Variants in CDC42BPA observed in about 807,000 individuals in gnomAD.
CDC42BPA encodes serine/threonine-protein kinase MRCK alpha.
A neutral mutation model predicts 223.5 loss-of-function variants in CDC42BPA; 80 were observed. That is an observed-to-expected ratio of 0.36 (90% confidence interval 0.30 to 0.43). CDC42BPA has a LOEUF of 0.43. CDC42BPA is among the 20% of genes least tolerant of loss of function. The pLI, the probability that CDC42BPA is intolerant of heterozygous loss-of-function variation, is 1.00. For missense variants in CDC42BPA, 1,743 were observed against 2,099.9 expected, an observed-to-expected ratio of 0.83 and a Z score of 3.32; for synonymous variants, 694 against 718.6, an observed-to-expected ratio of 0.97 and a Z score of 0.55.
At chr1:227,106,512 AT>A (rs1685959927) in intron 14 of CDC42BPA, among the ~76,000 whole-genome samples, 1 of 152,010 alleles carries the variant, frequency 6.6e-6, no homozygotes, top group Non-Finnish European at 1.5e-5. Context: ...TTGGTCTGTA[AT>A]TTTGTGATTT....
intron 5 of CDC42BPA, among the ~76,000 whole-genome samples, chr1:227,166,443 G>A (rs995413125): frequency 1.1e-4 from 16 of 152,172 alleles, no homozygotes. Flanking sequence ...TAGCTGGCCT[G>A]AATATTTCAC....
At chr1:227,273,995 CAAAAAAA>C (rs10599884) in intron 1 of CDC42BPA, among the ~76,000 whole-genome samples, 60 of 57,000 alleles carry the variant, frequency 1.1e-3, no homozygotes, top group African/African-American at 2.5e-3. Context: ...TCGTATACAC[CAAAAAAA>C]AAAAAAAAAA....
rs71180715 is a variant in CDC42BPA, at chr1:227,205,283, AATATATAT to A, written c.355-5639_355-5632del. On this transcript the variant is annotated intron_variant, in intron 3 of 36. Coordinates refer to ENST00000366766, the MANE Select transcript of CDC42BPA (RefSeq NM_001394014.1). ...GACTCTGTCTCAAAAAAAAAAAAAAAATATATATATATATATATATATACACACACACA... is the reference window on the plus strand; with the variant it reads ...GACTCTGTCTCAAAAAAAAAAAAAAAATATATATATATATACACACACACA... 3.3e-4 allele frequency among the ~76,000 whole-genome samples: 40 copies of A among 122,756 alleles called. No homozygotes were observed. The East Asian group carries it at 4.1e-3, about 12-fold the overall frequency. The allele number at this position is 122,756 out of a possible 152,430, so 80.5% of individuals were successfully genotyped here.
chr1:227,224,871 G>A (rs1398225400), intron 2 of CDC42BPA, among the ~76,000 whole-genome samples: 1 of 152,062 alleles, frequency 6.6e-6, no homozygotes, highest in African/African-American at 2.4e-5. Context: ...TTATAATATG[G>A]AAAAAATAGA....
At chr1:227,288,998 A>T (rs1558963608) in intron 1 of CDC42BPA, among the ~76,000 whole-genome samples, 1 of 151,822 alleles carries the variant, frequency 6.6e-6, no homozygotes, top group East Asian at 1.9e-4. Context: ...CTTGTTTCAA[A>T]AATAATAATA....
intron 1 of CDC42BPA, among the ~76,000 whole-genome samples, chr1:227,299,992 C>G (rs946162573): frequency 2.0e-5 from 3 of 152,156 alleles, no homozygotes; most frequent in African/African-American, 7.2e-5. Flanking sequence ...TCCTACAGTT[C>G]AGCAATCCCC....
chr1:227,253,532 G>C (rs1227094798), intron 2 of CDC42BPA, among the ~76,000 whole-genome samples: 1 of 150,604 alleles, frequency 6.6e-6, no homozygotes, highest in Non-Finnish European at 1.5e-5. Context: ...GGAGGTGGAG[G>C]TTGTAGTGAG....
At position 227,245,284 on chromosome 1, in the gene CDC42BPA, C is replaced by CTTTTTT. The variant is rs759666049; in HGVS notation, c.270+8774_270+8779dup. Reference sequence around the variant, plus strand: ...GAGTAAAGAGGACTTTGTCTTGCATCTTTTTTTTTTTTTTTTTTTTTTTGA... The same window carrying CTTTTTT: ...GAGTAAAGAGGACTTTGTCTTGCATCTTTTTTTTTTTTTTTTTTTTTTTTTTTTTGA... On this transcript the variant is annotated intron_variant, in intron 2 of 36. Transcript: ENST00000366766. Among the ~76,000 whole-genome samples, 434 of 81,726 alleles carry CTTTTTT rather than the reference C, an allele frequency of 5.3e-3. 12 individuals are homozygous for CTTTTTT. Among genetic ancestry groups the CTTTTTT allele is most frequent in the African/African-American group, 0.019 (355 of 18,778 alleles). 53.6% of individuals were successfully genotyped at this position (81,726 alleles called of 152,430 possible).
chr1:227,117,709 T>A (rs1687987235), intron 12 of CDC42BPA, among the ~76,000 whole-genome samples: 1 of 150,574 alleles, frequency 6.6e-6, no homozygotes, highest in African/African-American at 2.5e-5. Context: ...AAGATAAAAA[T>A]TTAGGAGAAT....
chr1:227,109,987 T>C (rs664617), intron 14 of CDC42BPA, among the ~76,000 whole-genome samples: 10,544 of 152,142 alleles, frequency 0.069, 555 homozygotes, highest in East Asian at 0.26. Context: ...CATCTGTACA[T>C]GTTCGGTACA....
chr1:227,315,985 G>A (rs11807620), intron 1 of CDC42BPA, among the ~76,000 whole-genome samples: 2 of 123,294 alleles, frequency 1.6e-5, no homozygotes, highest in Non-Finnish European at 3.5e-5. Context: ...GACACAATCA[G>A]CACTTGACTT....
At chr1:227,125,570 C>G (rs1033304354) in intron 11 of CDC42BPA, among the ~76,000 whole-genome samples, 3 of 146,056 alleles carry the variant, frequency 2.1e-5, no homozygotes, top group African/African-American at 7.6e-5. Context: ...GCACTCCAGC[C>G]TGGGGAACAG....
At chr1:227,055,380 T>C (rs1358066371) in intron 21 of CDC42BPA, among the ~76,000 whole-genome samples, 1 of 152,130 alleles carries the variant, frequency 6.6e-6, no homozygotes, top group East Asian at 1.9e-4. Flanking sequence ...CACAATTAAA[T>C]GCCTACCAAT....
Position 227,139,622 on chromosome 1 carries a change from A to C in CDC42BPA, c.1344T>G (p.Ile448Met). Reference sequence around the variant, plus strand: ...CAAGTTTTTCTTGCTCAAGGCGCTTAATTCTTCTTTCATAAGCTTCAGTTG... The same window carrying C: ...CAAGTTTTTCTTGCTCAAGGCGCTTCATTCTTCTTTCATAAGCTTCAGTTG... The part of the protein sequence containing the change: ...NLATEAYERR[I>M]KRLEQEKLEL... The change falls in exon 10 of 37, where the codon ATT becomes ATG. Residue 448 changes from isoleucine to methionine, a missense_variant. This residue lies in a region of CDC42BPA where 464 missense variants were observed against 488.0 expected (regional missense o/e 0.95). Coordinates refer to ENST00000366766, the MANE Select transcript of CDC42BPA (RefSeq NM_001394014.1). 1 of 1,609,380 alleles carries C rather than the reference A, an allele frequency of 6.2e-7. No homozygotes were observed. Among genetic ancestry groups the C allele is most frequent in the Non-Finnish European group, 8.5e-7 (1 of 1,178,242 alleles).
Position 227,317,205 on chromosome 1 carries a change from T to A in CDC42BPA, c.-23A>T. The A allele has an allele frequency of 6.3e-7, 1 of 1,589,724 alleles. No individual in the cohort carries two copies. The highest frequency in any genetic ancestry group is 1.2e-5 in the South Asian group (1 of 86,566). ...CATGTTTGCTTCGATTTCTGCTGGT[T>A]TTCCTTTAAATTATTATGATGACTT... On this transcript the variant is annotated 5_prime_UTR_variant, in exon 1 of 37. Coordinates refer to ENST00000366766, the MANE Select transcript of CDC42BPA (RefSeq NM_001394014.1).
At chr1:227,174,392 C>A (rs1666612667) in intron 5 of CDC42BPA, among the ~76,000 whole-genome samples, 1 of 152,074 alleles carries the variant, frequency 6.6e-6, no homozygotes, top group Admixed American at 6.6e-5. Flanking sequence ...AGGATAACTG[C>A]CAAATCATAC....
chr1:227,081,766 C>T (rs1421218322), intron 16 of CDC42BPA, among the ~76,000 whole-genome samples: 1 of 151,962 alleles, frequency 6.6e-6, no homozygotes, highest in Admixed American at 6.6e-5. Flanking sequence ...TACGCCTGTT[C>T]TCTTATCCCC....
intron 24 of CDC42BPA, among the ~76,000 whole-genome samples, chr1:227,036,530 C>T (rs1022228331): frequency 1.3e-4 from 19 of 151,056 alleles, no homozygotes; most frequent in Admixed American, 4.0e-4. Context: ...CCGGGGTTCA[C>T]GCCATTCTCC....
At chr1:226,996,196 G>T (rs1394970059) in intron 35 of CDC42BPA, among the ~76,000 whole-genome samples, 1 of 152,186 alleles carries the variant, frequency 6.6e-6, no homozygotes, top group Non-Finnish European at 1.5e-5. Flanking sequence ...CAACACTGGT[G>T]GTTTACTGTT....
Sources: gnomAD v4.1 joint callset for allele counts (sites outside exome capture counted in the v4.1 genomes callset) on GRCh38, gnomAD v4.1.1 for gene constraint, gnomAD v4.1.1 regional missense constraint, MANE v1.5 for transcripts, NCBI Gene and HGNC (gene_info 2026-07-23, HGNC 2026-07-21) for gene names.